The following RORA variants were observed in gnomAD, a reference collection of about 807,000 sequenced individuals.
RORA encodes RAR related orphan receptor A.
In RORA, 7 loss-of-function variants were observed where a neutral mutation model predicts 69.5. The ratio of observed to expected loss-of-function variants is 0.10; its 90% CI spans 0.06 to 0.19. The LOEUF is 0.19. RORA is among the 10% of genes least tolerant of loss of function. The pLI is 1.00. For missense variants in RORA, 457 were observed against 663.0 expected (o/e 0.69, Z 3.41); for synonymous variants, 261 against 240.8 (o/e 1.08, Z -0.78).
Position 60,542,676 on chromosome 15 carries a change from G to A in RORA, c.197-10825C>T, listed in dbSNP as rs1404154292. Reference sequence around the variant, plus strand: ...GGCACACCTCACACACATGGCACACGGGCACACCTCCCACACACGGCACAC... The same window carrying A: ...GGCACACCTCACACACATGGCACACAGGCACACCTCCCACACACGGCACAC... On this transcript the variant is annotated intron_variant, in intron 2 of 10. Transcript: ENST00000335670. Among the ~76,000 whole-genome samples the A allele has an allele frequency of 1.9e-4, 22 of 115,128 alleles. 1 individual carries two copies. The highest frequency in any genetic ancestry group is 8.0e-4 in the African/African-American group (19 of 23,698). The allele number at this position is 115,128 out of a possible 152,430, so 75.5% of individuals were successfully genotyped here. A position where few individuals can be genotyped will look rare whatever the true frequency, so the allele number is the denominator to read the frequency against.
intron 1 of RORA, among the ~76,000 whole-genome samples, chr15:61,054,547 G>A (rs767123548): frequency 1.3e-5 from 2 of 152,150 alleles, no homozygotes; most frequent in Non-Finnish European, 2.9e-5. Context: ...GAAACATCAG[G>A]CCTTTTGATT....
chr15:60,742,354 A>T (rs1252228211), intron 1 of RORA, among the ~76,000 whole-genome samples: 5 of 151,846 alleles, frequency 3.3e-5, no homozygotes, highest in Non-Finnish European at 7.4e-5. Context: ...CACACAGAGT[A>T]AACTTTTCTT....
At chr15:61,022,107 G>T (rs1440363594) in intron 1 of RORA, among the ~76,000 whole-genome samples, 1 of 152,174 alleles carries the variant, frequency 6.6e-6, no homozygotes, top group Non-Finnish European at 1.5e-5. Context: ...ATCAGATTTT[G>T]CCTGAATTCA....
intron 1 of RORA, among the ~76,000 whole-genome samples, chr15:61,104,993 G>GCTCCCCCCCCCCCCCC (rs751911711): frequency 7.1e-6 from 1 of 140,820 alleles, no homozygotes; most frequent in Non-Finnish European, 1.5e-5. Context: ...TGATCATGAG[G>GCTCCCCCCCCCCCCCC]CGCCCCCCCC....
Position 61,025,611 on chromosome 15 carries a change from G to A in RORA, c.166+203442C>T, listed in dbSNP as rs367687996. On this transcript the variant is annotated intron_variant, in intron 1 of 10. Coordinates refer to ENST00000335670, the MANE Select transcript of RORA (RefSeq NM_134261.3). Reference sequence around the variant, plus strand: ...CCTTGTGGACTGAGGACATAAGTTCGTAAAAGCTCCCTGGGCTGATGATTT... The same window carrying A: ...CCTTGTGGACTGAGGACATAAGTTCATAAAAGCTCCCTGGGCTGATGATTT... Among the ~76,000 whole-genome samples, 45 of 152,290 alleles carry A rather than the reference G, an allele frequency of 3.0e-4. 2 individuals are homozygous for A. In the South Asian group the frequency reaches 6.8e-3, roughly 23 times the overall value.
rs2079164784 is a variant in RORA at position 61,128,747 on chromosome 15, C to A, written c.166+100306G>T. Reference sequence around the variant, plus strand: ...TTCCTCCAGGGGAGTAAAAGCAGATCACAAAGGATCTAGTGTCTCAGAACA... The same window carrying A: ...TTCCTCCAGGGGAGTAAAAGCAGATAACAAAGGATCTAGTGTCTCAGAACA... On this transcript the variant is annotated intron_variant, in intron 1 of 10. Coordinates refer to ENST00000335670, the MANE Select transcript of RORA (RefSeq NM_134261.3). This position sits in a 1 kb window ranked among gnomAD's most constrained non-coding sequence, Gnocchi z 4.5. 1.3e-5 allele frequency among the ~76,000 whole-genome samples: 2 copies of A among 152,148 alleles called. No homozygotes were observed. Among genetic ancestry groups the A allele is most frequent in the African/African-American group, 2.4e-5 (1 of 41,440 alleles).
intron 2 of RORA, among the ~76,000 whole-genome samples, chr15:60,634,952 C>T (rs191779402): frequency 1.3e-5 from 2 of 152,200 alleles, no homozygotes; most frequent in Non-Finnish European, 2.9e-5. Flanking sequence ...CACTAGTGAA[C>T]TTCTTGCTGT....
intron 2 of RORA, among the ~76,000 whole-genome samples, chr15:60,658,707 C>G (rs1308646849): frequency 2.0e-5 from 3 of 152,222 alleles, no homozygotes; most frequent in African/African-American, 7.2e-5. Context: ...CAGTGAGCTG[C>G]TATTAAGTGC....
At chr15:60,694,764 G>A (rs1441375740) in intron 1 of RORA, among the ~76,000 whole-genome samples, 1 of 152,112 alleles carries the variant, frequency 6.6e-6, no homozygotes, top group Non-Finnish European at 1.5e-5. Context: ...CACTCTCAAG[G>A]CCTTTACAAA....
chr15:61,092,274 T>C (rs1298615176), intron 1 of RORA, among the ~76,000 whole-genome samples: 2 of 152,186 alleles, frequency 1.3e-5, no homozygotes, highest in Admixed American at 6.5e-5. Context: ...GCTGGCAGTA[T>C]GTTCAAAAAA....
chr15:60,772,921 C>T (rs1455645974), intron 1 of RORA, among the ~76,000 whole-genome samples: 3 of 152,236 alleles, frequency 2.0e-5, no homozygotes, highest in African/African-American at 7.2e-5. Flanking sequence ...AGCATGTGCC[C>T]AGACTTTATC....
At chr15:60,502,247 T>C (rs1445424219) in intron 8 of RORA, among the ~76,000 whole-genome samples, 1 of 152,254 alleles carries the variant, frequency 6.6e-6, no homozygotes, top group Non-Finnish European at 1.5e-5. Context: ...CCCAAAGTGC[T>C]GCTATTACAG....
chr15:60,575,949 A>G (rs141534109), intron 2 of RORA, among the ~76,000 whole-genome samples: 71 of 152,284 alleles, frequency 4.7e-4, no homozygotes, highest in Non-Finnish European at 8.5e-4. Flanking sequence ...CACCCTTTAA[A>G]CGGCCAGGGT....
At chr15:60,745,456 T>A (rs932838010) in intron 1 of RORA, among the ~76,000 whole-genome samples, 1 of 152,234 alleles carries the variant, frequency 6.6e-6, no homozygotes, top group African/African-American at 2.4e-5. Flanking sequence ...ACTTGGCCGA[T>A]TCTGTCTCTG....
chr15:60,800,177 T>A (rs541742077), intron 1 of RORA, among the ~76,000 whole-genome samples: 1 of 152,348 alleles, frequency 6.6e-6, no homozygotes, highest in East Asian at 1.9e-4. Flanking sequence ...TTTCCTTCCT[T>A]GCTCAGTAGA....
At chr15:61,135,578 C>CA (rs11453914) in intron 1 of RORA, among the ~76,000 whole-genome samples, 81,160 of 112,220 alleles carry the variant, frequency 0.72, 29,517 homozygotes, top group South Asian at 0.81. Context: ...ATTTCCACAT[C>CA]AAAAAAAAAA....
chr15:60,561,291 C>CAGGAT (rs2067552642), intron 2 of RORA, among the ~76,000 whole-genome samples: 1 of 151,564 alleles, frequency 6.6e-6, no homozygotes, highest in Non-Finnish European at 1.5e-5. Context: ...CCGTGTTAGC[C>CAGGAT]AGGATGGTCT....
At chr15:60,808,545 G>A (rs1217169376) in intron 1 of RORA, among the ~76,000 whole-genome samples, 2 of 151,960 alleles carry the variant, frequency 1.3e-5, no homozygotes, top group African/African-American at 2.4e-5. Context: ...ATTTGATCCA[G>A]CAATCCTACC....
chr15:60,686,295 T>C (rs1012803844), intron 1 of RORA, among the ~76,000 whole-genome samples: 4 of 152,330 alleles, frequency 2.6e-5, no homozygotes, highest in South Asian at 4.1e-4. Context: ...ACAAAACTTA[T>C]TTGGGAAACA....
Sources: gnomAD v4.1 joint callset for allele counts (sites outside exome capture counted in the v4.1 genomes callset) on GRCh38, gnomAD v4.1.1 for gene constraint, Gnocchi (gnomAD v3.1) non-coding constraint, MANE v1.5 for transcripts, NCBI Gene and HGNC (gene_info 2026-07-23, HGNC 2026-07-21) for gene names.